UNC5B: variants seen among roughly 807,000 people sequenced by gnomAD.
UNC5B encodes unc-5 netrin receptor B.
A neutral mutation model predicts 103.7 loss-of-function variants in UNC5B; 56 were observed. The ratio of observed to expected loss-of-function variants is 0.54; its 90% CI spans 0.44 to 0.67. UNC5B has a LOEUF of 0.67. Among genes scored for constraint, UNC5B ranks in the 30% least tolerant of loss-of-function variants. UNC5B has a pLI of 0.00. For synonymous variants in UNC5B, 577 were observed against 542.0 expected (o/e 1.06, Z -0.90); for missense variants, 1,194 against 1,284.5 (o/e 0.93, Z 1.08).
intron 1 of UNC5B, among the ~76,000 whole-genome samples, chr10:71,265,564 T>G (rs1423678982): frequency 6.6e-6 from 1 of 152,226 alleles, no homozygotes; most frequent in Non-Finnish European, 1.5e-5. Context: ...CCCCAGACCC[T>G]GGGCTCATGG....
In UNC5B at chr10:71,213,074, G is replaced by A. The variant is rs771177264; in HGVS notation, c.79+10G>A. The A allele has an allele frequency of 2.2e-6, 3 of 1,361,478 alleles. No individual in the cohort carries two copies. The highest frequency in any genetic ancestry group is 2.9e-6 in the Non-Finnish European group (3 of 1,049,856). 84.3% of individuals were successfully genotyped at this position (1,361,478 alleles called of 1,614,324 possible). A position where few individuals can be genotyped will look rare whatever the true frequency, so the allele number is the denominator to read the frequency against. ...AGGCTGAGCCAAGCAGGTAGGAAGCGATCGGGTCTGGGGGCGCGGGGCTAG... is the reference window on the plus strand; with the variant it reads ...AGGCTGAGCCAAGCAGGTAGGAAGCAATCGGGTCTGGGGGCGCGGGGCTAG... On this transcript the variant is annotated intron_variant, in intron 1 of 16. Coordinates refer to ENST00000335350, the MANE Select transcript of UNC5B (RefSeq NM_170744.5). This position sits in a 1 kb window ranked among gnomAD's most constrained non-coding sequence, Gnocchi z 4.1.
intron 4 of UNC5B, 75 bp downstream of exon 4, chr10:71,285,504 AC>A: frequency 7.7e-7 from 1 of 1,306,884 alleles, no homozygotes; most frequent in Non-Finnish European, 1.0e-6. Context: ...CATGGTATTT[AC>A]CACCAGCCAT....
In UNC5B at chr10:71,257,834, C is replaced by A. The variant is rs190804074; in HGVS notation, c.80-21987C>A. ...TGGCCAGGTGTGCAGGGAACTCTTTCAGGTCATCTGGCTCAGTGGCTTCCA... is the reference window on the plus strand; with the variant it reads ...TGGCCAGGTGTGCAGGGAACTCTTTAAGGTCATCTGGCTCAGTGGCTTCCA... On this transcript the variant is annotated intron_variant, in intron 1 of 16. Transcript: ENST00000335350. Among the ~76,000 whole-genome samples, 132 of 152,368 alleles carry A rather than the reference C, an allele frequency of 8.7e-4. 1 individual carries two copies. The Middle Eastern group carries it at 0.014, about 16-fold the overall frequency.
rs746976277 is a variant in UNC5B at position 71,298,035 on chromosome 10, C to T, written c.2617C>T (p.Pro873Ser). 2.5e-6 allele frequency: 4 copies of T among 1,613,588 alleles called. No homozygotes were observed. The highest frequency in any genetic ancestry group is 2.7e-5 in the African/African-American group (2 of 74,916). The change falls in exon 16 of 17, where the codon CCC becomes TCC. Residue 873 changes from proline (P) to serine (S), a missense_variant. By Grantham distance (74) the Pro-to-Ser change is moderately conservative (BLOSUM62 -1). Transcript: ENST00000335350. The part of the protein sequence containing the change: ...RQKICNSLDA[P>S]NSRGNDWRML... ...GAAGATATGCAACAGCCTAGATGCC[C>T]CCAACTCACGGGGCAATGACTGGCG...
At chr10:71,249,339 G>A (rs113794636) in intron 1 of UNC5B, among the ~76,000 whole-genome samples, 2,613 of 152,350 alleles carry the variant, frequency 0.017, 55 homozygotes, top group African/African-American at 0.056. Flanking sequence ...ACCCCATTTG[G>A]GATTGCCAAT....
At chr10:71,298,687 T>C (rs1845506521) in intron 16 of UNC5B, among the ~76,000 whole-genome samples, 1 of 152,128 alleles carries the variant, frequency 6.6e-6, no homozygotes, top group Non-Finnish European at 1.5e-5. Flanking sequence ...TGGCTAAGGC[T>C]TTATTCCTCC....
intron 1 of UNC5B, among the ~76,000 whole-genome samples, chr10:71,276,457 A>G (rs535091373): frequency 1.2e-4 from 19 of 152,350 alleles, no homozygotes; most frequent in Admixed American, 2.0e-4. Context: ...TTTTGGAAAC[A>G]GAGTCTCACT....
At chr10:71,278,227 A>C (rs1015319651) in intron 1 of UNC5B, among the ~76,000 whole-genome samples, 2 of 152,200 alleles carry the variant, frequency 1.3e-5, no homozygotes, top group African/African-American at 4.8e-5. Flanking sequence ...GGTGAGCCTT[A>C]GTTGTTCGTT....
Position 71,291,090 on chromosome 10 carries a change from C to T in UNC5B, c.1275C>T (p.Asn425=). 6.2e-7 allele frequency: 1 copy of T among 1,613,910 alleles called. No individual in the cohort carries two copies. Among genetic ancestry groups the T allele is most frequent in the Non-Finnish European group, 8.5e-7 (1 of 1,179,858 alleles). The change falls in exon 9 of 17, where the codon AAC becomes AAT. Residue 425 remains asparagine (N), a synonymous_variant. Coordinates refer to ENST00000335350, the MANE Select transcript of UNC5B (RefSeq NM_170744.5). ...AALTGGFHPV[N]FKTARPSNPQ... ...TGACTGGTGGTTTCCACCCCGTCAA[C>T]TTTAAGACGGCAAGGCCCAGTAAGA... is the stretch of plus-strand genomic sequence containing the variant.
chr10:71,284,543 G>C (rs1343510872), intron 2 of UNC5B, among the ~76,000 whole-genome samples, 177 bp from the exon 3 acceptor site: 1 of 152,244 alleles, frequency 6.6e-6, no homozygotes, highest in Non-Finnish European at 1.5e-5. Flanking sequence ...CCACTGCAAT[G>C]TGCAGGTGAG....
At chr10:71,229,536 C>T (rs1236112219) in intron 1 of UNC5B, among the ~76,000 whole-genome samples, 4 of 152,164 alleles carry the variant, frequency 2.6e-5, no homozygotes, top group Non-Finnish European at 4.4e-5. Flanking sequence ...GGAAAGGGGT[C>T]GCTGGAAGCG....
rs558647026 is a variant in UNC5B at position 71,236,491 on chromosome 10, C to T, written c.79+23427C>T. Among the ~76,000 whole-genome samples the T allele has an allele frequency of 2.6e-5, 4 of 152,136 alleles. 1 individual carries two copies. The highest frequency in any genetic ancestry group is 4.1e-4 in the South Asian group (2 of 4,826). ...CCTGAGCCCCCCTTCAGAGCCAGCT[C>T]GTAAATATGAAGCCGGGGCAGGGAG... On this transcript the variant is annotated intron_variant, in intron 1 of 16. Coordinates refer to ENST00000335350, the MANE Select transcript of UNC5B (RefSeq NM_170744.5).
chr10:71,292,304 C>T (rs1172347298), intron 10 of UNC5B, among the ~76,000 whole-genome samples, 163 bp from the exon 11 acceptor site: 1 of 152,124 alleles, frequency 6.6e-6, no homozygotes, highest in African/African-American at 2.4e-5. Context: ...GTGGCCTGGC[C>T]TCTGCTTGCA....
In UNC5B at chr10:71,213,728, A is replaced by AGAGAGTGTGT. The variant is rs144371231; in HGVS notation, c.79+665_79+666insAGAGTGTGTG. 7.6e-6 allele frequency among the ~76,000 whole-genome samples: 1 copy of AGAGAGTGTGT among 131,474 alleles called. No homozygotes were observed. Among genetic ancestry groups the AGAGAGTGTGT allele is most frequent in the African/African-American group, 2.9e-5 (1 of 34,208 alleles). 86.3% of individuals were successfully genotyped at this position (131,474 alleles called of 152,430 possible). Reference sequence around the variant, plus strand: ...ATTATTAATTTTCTGAGTGTTGGAGAGTGTGTGTGTGTGTGTGTGTGTGTG... The same window carrying AGAGAGTGTGT: ...ATTATTAATTTTCTGAGTGTTGGAGAGAGAGTGTGTGTGTGTGTGTGTGTGTGTGTGTGTG... On this transcript the variant is annotated intron_variant, in intron 1 of 16. Transcript: ENST00000335350. The surrounding 1 kb of genome is among the most constrained non-coding windows in gnomAD (Gnocchi z 4.1).
At chr10:71,288,541 A>G (rs1845153713) in intron 6 of UNC5B, 27 bp from the exon 7 acceptor site, 1 of 1,602,062 alleles carries the variant, frequency 6.2e-7, no homozygotes, top group Non-Finnish European at 8.5e-7. Flanking sequence ...CTGCGTGCAC[A>G]TGCTCCTGTA....
rs555497011 is a variant in UNC5B, at chr10:71,245,342, C to T, written c.79+32278C>T. 1.2e-4 allele frequency among the ~76,000 whole-genome samples: 19 copies of T among 152,310 alleles called. No homozygotes were observed. The South Asian group carries it at 3.1e-3, about 25-fold the overall frequency. ...TTGACAAGATCCCAAGGTATTCGCA[C>T]CTACATTCGCGTTTACCGTGAGCCT... On this transcript the variant is annotated intron_variant, in intron 1 of 16. Transcript: ENST00000335350.
chr10:71,264,911 A>G lies in UNC5B; in HGVS notation c.80-14910A>G, dbSNP rs1188191956. Among the ~76,000 whole-genome samples the G allele has an allele frequency of 3.4e-5, 5 of 147,066 alleles. No individual in the cohort carries two copies. The East Asian group carries it at 1.0e-3, about 31-fold the overall frequency. Reference sequence around the variant, plus strand: ...CACTTTGGGAAGCCGAAATAGGAGGATTGCTGGAGCCCAGGAGTTTGGGAC... The same window carrying G: ...CACTTTGGGAAGCCGAAATAGGAGGGTTGCTGGAGCCCAGGAGTTTGGGAC... On this transcript the variant is annotated intron_variant, in intron 1 of 16. Transcript: ENST00000335350.
intron 13 of UNC5B, among the ~76,000 whole-genome samples, chr10:71,294,361 C>T (rs946187794): frequency 1.6e-4 from 25 of 152,316 alleles, no homozygotes; most frequent in African/African-American, 4.8e-4. Context: ...AATGTGAGGG[C>T]GGGCGAGATG....
At chr10:71,291,325 A>C (rs1466706085) in intron 9 of UNC5B, 107 bp from the exon 10 acceptor site, 1 of 1,493,322 alleles carries the variant, frequency 6.7e-7, no homozygotes, top group Non-Finnish European at 9.0e-7. Flanking sequence ...TGCAGCTGGC[A>C]GCAATTGGGC....
Sources: gnomAD v4.1 joint callset for allele counts (sites outside exome capture counted in the v4.1 genomes callset) on GRCh38, gnomAD v4.1.1 for gene constraint, Gnocchi (gnomAD v3.1) non-coding constraint, MANE v1.5 for transcripts, NCBI Gene and HGNC (gene_info 2026-07-23, HGNC 2026-07-21) for gene names.